Variants in EPRS1 observed in about 807,000 individuals in gnomAD.
The protein encoded by EPRS1 is glutamyl-prolyl-tRNA synthetase 1.
A neutral mutation model predicts 188.3 loss-of-function variants in EPRS1; 107 were observed. That is an observed-to-expected ratio of 0.57 (90% confidence interval 0.49 to 0.67). The LOEUF (loss-of-function observed/expected upper bound fraction) is 0.67, where lower values mean the gene tolerates loss of function less well. Ranked by LOEUF, EPRS1 falls within the 30% of genes least tolerant of loss-of-function variation. EPRS1 has a pLI of 0.00. For missense variants in EPRS1, 1,577 were observed against 1,802.2 expected (o/e 0.88, Z 2.26); for synonymous variants, 596 against 593.1 (o/e 1.00, Z -0.07).
At chr1:219,978,968 T>TC (rs1660836832) in intron 27 of EPRS1, among the ~76,000 whole-genome samples, 1 of 56,364 alleles carries the variant, frequency 1.8e-5, no homozygotes, top group Non-Finnish European at 4.8e-5. Context: ...ATATATATTT[T>TC]TTTTTCCCCC....
intron 2 of EPRS1, among the ~76,000 whole-genome samples, chr1:220,036,851 C>T (rs975492129): frequency 6.6e-6 from 1 of 151,958 alleles, no homozygotes; most frequent in Non-Finnish European, 1.5e-5. Flanking sequence ...AGAATAAATT[C>T]ATTTTTAGCA....
chr1:219,974,234 G>A (rs1033379093), intron 28 of EPRS1, among the ~76,000 whole-genome samples: 4 of 152,182 alleles, frequency 2.6e-5, no homozygotes, highest in South Asian at 4.1e-4. Context: ...GTGAGCCACC[G>A]TACTTGGCCA....
At chr1:220,000,994 TAAC>T in intron 17 of EPRS1, 141 bp downstream of exon 17, 1 of 642,306 alleles carries the variant, frequency 1.6e-6, no homozygotes. Context: ...CATGAAAGGA[TAAC>T]AACAAAATGC....
In EPRS1 at chr1:220,043,108, T is replaced by C. The variant is rs191505675; in HGVS notation, c.47-2839A>G. On this transcript the variant is annotated intron_variant, in intron 1 of 31. Coordinates refer to ENST00000366923, the MANE Select transcript of EPRS1 (RefSeq NM_004446.3). ...AAGTGACAAAAAGAAGATGAGTCGC[T>C]ATTAGGTGCTAGGAGTAGGGAAAGG... Among the ~76,000 whole-genome samples, 177 of 152,210 alleles carry C rather than the reference T, an allele frequency of 1.2e-3. 1 individual carries two copies. The highest frequency in any genetic ancestry group is 4.1e-3 in the African/African-American group (170 of 41,542).
At chr1:219,991,292 G>A (rs3767670) in intron 18 of EPRS1, among the ~76,000 whole-genome samples, 30,531 of 147,112 alleles carry the variant, frequency 0.21, 4,020 homozygotes, top group African/African-American at 0.37. Context: ...TTTCAAAATA[G>A]CCTGGATATC....
At chr1:220,032,360 T>A (rs1157119504) in intron 5 of EPRS1, 27 bp downstream of exon 5, 5 of 1,567,112 alleles carry the variant, frequency 3.2e-6, no homozygotes, top group African/African-American at 2.8e-5. Context: ...TGTTTTTTTT[T>A]TTAAAAAAAA....
chr1:220,006,279 T>G lies in EPRS1; in HGVS notation c.1777A>C (p.Lys593Gln). ...TAGTCTTTGTTTTCCAAATTCAACT[T>G]TGCATCAAGAGATATGATTTTTCCA... ...ADGKIISLDA[K>Q]LNLENKDYKK... is the part of the protein sequence containing the mutation. The change falls in exon 15 of 32, where the codon AAG (lysine) becomes CAG (glutamine). Residue 593 changes from lysine (K) to glutamine (Q), a missense_variant. This residue lies in a region of EPRS1 where 1,278 missense variants were observed against 1,457.4 expected (regional missense o/e 0.88). Coordinates refer to ENST00000366923, the MANE Select transcript of EPRS1 (RefSeq NM_004446.3). The G allele has an allele frequency of 3.2e-6, 5 of 1,583,952 alleles. No individual in the cohort carries two copies. The highest frequency in any genetic ancestry group is 3.4e-6 in the Non-Finnish European group (4 of 1,163,262).
At chr1:219,988,278 G>T (rs1044006426) in intron 19 of EPRS1, among the ~76,000 whole-genome samples, 4 of 152,170 alleles carry the variant, frequency 2.6e-5, no homozygotes, top group African/African-American at 9.6e-5. Context: ...TCAATGGGGT[G>T]AGCACTGTGC....
At chr1:220,001,036 G>A (rs1661339790) in intron 17 of EPRS1, 102 bp downstream of exon 17, 4 of 741,924 alleles carry the variant, frequency 5.4e-6, no homozygotes, top group Middle Eastern at 3.3e-4. Flanking sequence ...GTCTTCTTCA[G>A]TCTCCACAGT....
At chr1:219,971,469 T>C (rs980855298) in intron 30 of EPRS1, among the ~76,000 whole-genome samples, 5 of 152,142 alleles carry the variant, frequency 3.3e-5, no homozygotes, top group African/African-American at 4.8e-5. Flanking sequence ...TTCTTCTCAT[T>C]ATTCAGAAAG....
chr1:220,032,097 TAG>T (rs141227631), intron 5 of EPRS1, among the ~76,000 whole-genome samples: 1,763 of 151,902 alleles, frequency 0.012, 38 homozygotes, highest in African/African-American at 0.038. Context: ...TTTTTTGAGA[TAG>T]AGTCTCGCTC....
intron 18 of EPRS1, among the ~76,000 whole-genome samples, 175 bp from the exon 19 acceptor site, chr1:219,988,998 T>C (rs540537879): frequency 8.9e-4 from 135 of 152,242 alleles, no homozygotes; most frequent in Admixed American, 8.8e-3. Context: ...AAACATAAAT[T>C]ATATATAAGC....
rs3767663 is a variant in EPRS1, at chr1:220,013,608, C to T, written c.1495-2552G>A. On this transcript the variant is annotated intron_variant, in intron 12 of 31. Transcript: ENST00000366923. Reference sequence around the variant, plus strand: ...CAGTAACACTTACTTCACAACTCCACGGCGCTAAATTTAGTTCACTGATGC... The same window carrying T: ...CAGTAACACTTACTTCACAACTCCATGGCGCTAAATTTAGTTCACTGATGC... Among the ~76,000 whole-genome samples the T allele has an allele frequency of 1.1e-3, 160 of 152,232 alleles. No individual in the cohort carries two copies. The East Asian group carries it at 0.02, about 19-fold the overall frequency.
At chr1:220,026,404 T>C (rs1661973385) in intron 6 of EPRS1, among the ~76,000 whole-genome samples, 1 of 152,210 alleles carries the variant, frequency 6.6e-6, no homozygotes, top group African/African-American at 2.4e-5. Context: ...TACACCACTA[T>C]GTTGAAATAC....
At chr1:220,022,758 C>T (rs552019145) in intron 8 of EPRS1, among the ~76,000 whole-genome samples, 1 of 152,342 alleles carries the variant, frequency 6.6e-6, no homozygotes, top group South Asian at 2.1e-4. Flanking sequence ...AACATCAATA[C>T]ATTCCACTCA....
intron 8 of EPRS1, 85 bp downstream of exon 8, chr1:220,024,179 G>A: frequency 4.4e-6 from 4 of 919,278 alleles, no homozygotes; most frequent in Non-Finnish European, 6.3e-6. Context: ...AAAAAAACTA[G>A]CAGCTTTCAC....
At chr1:219,983,823 G>T (rs1660948912) in intron 21 of EPRS1, among the ~76,000 whole-genome samples, 1 of 151,588 alleles carries the variant, frequency 6.6e-6, no homozygotes, top group Non-Finnish European at 1.5e-5. Context: ...AACCCAGGAG[G>T]CGGAGGTTGC....
At chr1:220,033,418 T>C (rs1156271159) in intron 4 of EPRS1, 84 bp downstream of exon 4, 22 of 953,264 alleles carry the variant, frequency 2.3e-5, no homozygotes, top group Non-Finnish European at 3.1e-5. Flanking sequence ...TATACATACA[T>C]GCATACACAC....
At chr1:219,991,610 T>C (rs1356687737) in intron 18 of EPRS1, among the ~76,000 whole-genome samples, 1 of 152,178 alleles carries the variant, frequency 6.6e-6, no homozygotes, top group African/African-American at 2.4e-5. Context: ...AAGAGAGGCA[T>C]TTTAAGAAAA....
Sources: gnomAD v4.1 joint callset for allele counts (sites outside exome capture counted in the v4.1 genomes callset) on GRCh38, gnomAD v4.1.1 for gene constraint, gnomAD v4.1.1 regional missense constraint, MANE v1.5 for transcripts, NCBI Gene and HGNC (gene_info 2026-07-23, HGNC 2026-07-21) for gene names.